Variants in TTF2 observed in about 807,000 individuals in gnomAD.
The protein encoded by TTF2 is RNA polymerase II termination factor.
In TTF2, 108 loss-of-function variants were observed where a neutral mutation model predicts 142.4. The observed-to-expected ratio is 0.76, with a 90% confidence interval of 0.65 to 0.89. The LOEUF is 0.89. Ranked by LOEUF, TTF2 falls within the 40% of genes least tolerant of loss-of-function variation. The probability of loss-of-function intolerance (pLI) is 0.00; values close to 1 mark genes in which losing one functional copy is unlikely to be tolerated. For missense variants in TTF2, 1,327 were observed against 1,379.8 expected, an observed-to-expected ratio of 0.96 and a Z score of 0.61; for synonymous variants, 483 against 506.2, an observed-to-expected ratio of 0.95 and a Z score of 0.61.
At position 117,101,510 on chromosome 1, in the gene TTF2, C is replaced by T; in HGVS notation, c.3475C>T (p.Leu1159Phe). ...GCTCACCTTGGCTGACCTCAGAGTCCTTTTTGGCATCTAACCTCCTGTGGA... is the reference window on the plus strand; with the variant it reads ...GCTCACCTTGGCTGACCTCAGAGTCTTTTTTGGCATCTAACCTCCTGTGGA... ...TKLTLADLRVLFGI is the reference protein window; with the variant it reads ...TKLTLADLRVFFGI The change falls in exon 23 of 23, where the codon CTT becomes TTT. Residue 1159 changes from leucine (L) to phenylalanine (F), a missense_variant. Coordinates refer to ENST00000369466, the MANE Select transcript of TTF2 (RefSeq NM_003594.4). This position sits in a 1 kb window ranked among gnomAD's most constrained non-coding sequence, Gnocchi z 5.9. The T allele has an allele frequency of 6.3e-7, 1 of 1,591,046 alleles. No homozygotes were observed. Among genetic ancestry groups the T allele is most frequent in the Non-Finnish European group, 8.5e-7 (1 of 1,174,188 alleles).
In TTF2 at chr1:117,079,737, G is replaced by T. The variant is rs555862849; in HGVS notation, c.1783+88G>T. 1.1e-5 allele frequency: 14 copies of T among 1,259,468 alleles called. No individual in the cohort carries two copies. The East Asian group carries it at 3.0e-4, about 27-fold the overall frequency. The allele number at this position is 1,259,468 out of a possible 1,614,324, so 78.0% of individuals were successfully genotyped here. ...GTGTTGTTTCATTTATTCCTCTCAA[G>T]AACTCTATGAGGCAGGTACTATTAT... On this transcript the variant is annotated intron_variant, in intron 9 of 22. Transcript: ENST00000369466. This position sits in a 1 kb window ranked among gnomAD's most constrained non-coding sequence, Gnocchi z 4.2.
In TTF2 at chr1:117,073,710, G is replaced by A. The variant is rs760506553; in HGVS notation, c.268G>A (p.Gly90Arg). 2 of 1,612,122 alleles carry A rather than the reference G, an allele frequency of 1.2e-6. No homozygotes were observed. The highest frequency in any genetic ancestry group is 2.2e-5 in the East Asian group (1 of 44,836). Residue 90 changes from glycine (G) to arginine (R), a missense_variant, in exon 4 of 23, where the codon GGA becomes AGA. By Grantham distance (125) the Gly-to-Arg change is moderately radical (BLOSUM62 -2). Transcript: ENST00000369466. The surrounding 1 kb of genome is among the most constrained non-coding windows in gnomAD (Gnocchi z 4.4). ...RSKAEGKRWCGSIPWQDPDSK... is the reference protein window; with the variant it reads ...RSKAEGKRWCRSIPWQDPDSK... ...TAAGGCAGAGGGGAAACGCTGGTGT[G>A]GAAGTATTCCATGGCAGGTAGGAAT...
At position 117,092,714 on chromosome 1, in the gene TTF2, C is replaced by T. The variant is rs2101152259; in HGVS notation, c.2806-17C>T. On this transcript the variant is annotated splice_polypyrimidine_tract_variant and intron_variant, in intron 17 of 22. Coordinates refer to ENST00000369466, the MANE Select transcript of TTF2 (RefSeq NM_003594.4). The surrounding 1 kb of genome is among the most constrained non-coding windows in gnomAD (Gnocchi z 4.4). Reference sequence around the variant, plus strand: ...CCCTTGACTCCCAGCTGCTCCTGTCCTTTTTTGTCTGTTCAGGCCCTGGAT... The same window carrying T: ...CCCTTGACTCCCAGCTGCTCCTGTCTTTTTTTGTCTGTTCAGGCCCTGGAT... The T allele has an allele frequency of 1.2e-6, 2 of 1,605,648 alleles. No homozygotes were observed. Among genetic ancestry groups the T allele is most frequent in the East Asian group, 4.5e-5 (2 of 44,746 alleles).
chr1:117,086,627 G>A lies in TTF2; in HGVS notation c.2160+105G>A, dbSNP rs1648041916. 2 of 756,654 alleles carry A rather than the reference G, an allele frequency of 2.6e-6. No individual in the cohort carries two copies. Among genetic ancestry groups the A allele is most frequent in the Non-Finnish European group, 4.6e-6 (2 of 437,402 alleles). 46.9% of individuals were successfully genotyped at this position (756,654 alleles called of 1,614,324 possible). A position where few individuals can be genotyped will look rare whatever the true frequency, so the allele number is the denominator to read the frequency against. On this transcript the variant is annotated intron_variant, in intron 12 of 22. Transcript: ENST00000369466. The surrounding 1 kb of genome is among the most constrained non-coding windows in gnomAD (Gnocchi z 4.2). Reference sequence around the variant, plus strand: ...GCAAGAGGACCTCCCTGGAGGTCAGGAATGCTGTAAATGATCCGCATGTGG... The same window carrying A: ...GCAAGAGGACCTCCCTGGAGGTCAGAAATGCTGTAAATGATCCGCATGTGG...
chr1:117,060,486 C>T lies in TTF2; in HGVS notation c.60C>T (p.Arg20=), dbSNP rs957014726. The T allele has an allele frequency of 6.2e-7, 1 of 1,613,944 alleles. No homozygotes were observed. Among genetic ancestry groups the T allele is most frequent in the Non-Finnish European group, 8.5e-7 (1 of 1,179,856 alleles). Reference sequence around the variant, plus strand: ...TCTGCTTTCTTAAGACCGGCGTCCGCGATGGCCCGAATAAAGGAAAGAGCT... The same window carrying T: ...TCTGCTTTCTTAAGACCGGCGTCCGTGATGGCCCGAATAAAGGAAAGAGCT... ...GTFCFLKTGV[R]DGPNKGKSFY... is the part of the protein sequence containing the mutation. Residue 20 remains arginine, a synonymous_variant, in exon 2 of 23, where the codon CGC becomes CGT. Transcript: ENST00000369466.
Position 117,101,268 on chromosome 1 carries a change from TAAAG to T in TTF2, c.3345-111_3345-108del. 2 of 1,207,222 alleles carry T rather than the reference TAAAG, an allele frequency of 1.7e-6. No individual in the cohort carries two copies. Among genetic ancestry groups the T allele is most frequent in the Non-Finnish European group, 2.3e-6 (2 of 888,558 alleles). The allele number at this position is 1,207,222 out of a possible 1,614,324, so 74.8% of individuals were successfully genotyped here. A position where few individuals can be genotyped will look rare whatever the true frequency, so the allele number is the denominator to read the frequency against. On this transcript the variant is annotated intron_variant, in intron 22 of 22. Coordinates refer to ENST00000369466, the MANE Select transcript of TTF2 (RefSeq NM_003594.4). The surrounding 1 kb of genome is among the most constrained non-coding windows in gnomAD (Gnocchi z 5.9). The stretch of plus-strand genomic sequence containing the variant: ...GTTCTTAACTGGACCTAAGAAGACT[TAAAG>T]GAAGAAATCTCATTAAAAATGAAAG...
chr1:117,091,891 A>C lies in TTF2; in HGVS notation c.2746A>C (p.Ile916Leu), dbSNP rs769934298. 9.3e-6 allele frequency: 15 copies of C among 1,613,542 alleles called. No individual in the cohort carries two copies. The highest frequency in any genetic ancestry group is 1.1e-5 in the South Asian group (1 of 91,058). The change falls in exon 17 of 23, where the codon ATA becomes CTA. Residue 916 changes from isoleucine to leucine, a missense_variant. Ile to Leu is a conservative substitution (Grantham distance 5). Coordinates refer to ENST00000369466, the MANE Select transcript of TTF2 (RefSeq NM_003594.4). ...CTCACCGAGATCCAGCACCGTCCAC[A>C]TACTGTCCCAGTTGCTGAGACTCCG... ...ADSPRSSTVHILSQLLRLRQC... is the reference protein window; with the variant it reads ...ADSPRSSTVHLLSQLLRLRQC...
Position 117,076,863 on chromosome 1 carries a change from C to A in TTF2, c.1573+40C>A. The A allele has an allele frequency of 6.4e-7, 1 of 1,562,892 alleles. No homozygotes were observed. The highest frequency in any genetic ancestry group is 8.7e-7 in the Non-Finnish European group (1 of 1,152,214). Reference sequence around the variant, plus strand: ...CCTGACCCTGCTGTGAATAGCCACCCCTGTGAGTTACGTGCCACCCGGTAC... The same window carrying A: ...CCTGACCCTGCTGTGAATAGCCACCACTGTGAGTTACGTGCCACCCGGTAC... On this transcript the variant is annotated intron_variant, in intron 7 of 22. Coordinates refer to ENST00000369466, the MANE Select transcript of TTF2 (RefSeq NM_003594.4). This position sits in a 1 kb window ranked among gnomAD's most constrained non-coding sequence, Gnocchi z 4.6.
In TTF2 at chr1:117,076,207, G is replaced by T; in HGVS notation, c.1303G>T (p.Ala435Ser). The T allele has an allele frequency of 6.2e-7, 1 of 1,613,938 alleles. No individual in the cohort carries two copies. Among genetic ancestry groups the T allele is most frequent in the East Asian group, 2.2e-5 (1 of 44,882 alleles). ...CACACTGGCATCAGTGAACATCCAG[G>T]CTCTTCCAGACAAGGGTCAGAAGTT... The part of the protein sequence containing the change: ...KSTLASVNIQ[A>S]LPDKGQKLIK... The change falls in exon 6 of 23, where the codon GCT (alanine) becomes TCT (serine). Residue 435 changes from alanine (A) to serine (S), a missense_variant. Ala to Ser is a moderately conservative substitution (Grantham distance 99). Transcript: ENST00000369466. This position sits in a 1 kb window ranked among gnomAD's most constrained non-coding sequence, Gnocchi z 4.6.
chr1:117,060,404 G>T lies in TTF2; in HGVS notation c.28+30G>T, dbSNP rs145684337. On this transcript the variant is annotated intron_variant, in intron 1 of 22. Transcript: ENST00000369466. ...GGGGCTAGGGTCTCAGCGTCCCGGG[G>T]CCTGTTGATTTAGCGTGGCGTAATC... is the stretch of plus-strand genomic sequence containing the variant. 9.8e-4 allele frequency: 1,573 copies of T among 1,608,518 alleles called. 17 individuals carry two copies. In the African/African-American group the frequency reaches 0.018, roughly 19 times the overall value.
chr1:117,084,293 T>C, intron 11 of TTF2, 125 bp downstream of exon 11: 2 of 1,221,362 alleles, frequency 1.6e-6, no homozygotes, highest in East Asian at 2.5e-5. Flanking sequence ...CAAAGACAGA[T>C]CTTTAGTCTC....
intron 20 of TTF2, 117 bp downstream of exon 20, chr1:117,096,416 T>TGGAGTCCA: frequency 7.4e-7 from 1 of 1,347,674 alleles, no homozygotes; most frequent in Non-Finnish European, 1.0e-6. Flanking sequence ...TTGCTCTTGT[T>TGGAGTCCA]GCCCAGGCTG....
In TTF2 at chr1:117,080,674, A is replaced by G. The variant is rs1570832680; in HGVS notation, c.1783+1025A>G. ...GTCAGTGGTCCTCAAAACCACCCCCAGGTTCGATGATTTGCTAGTAAGACA... is the reference window on the plus strand; with the variant it reads ...GTCAGTGGTCCTCAAAACCACCCCCGGGTTCGATGATTTGCTAGTAAGACA... On this transcript the variant is annotated intron_variant, in intron 9 of 22. Transcript: ENST00000369466. The surrounding 1 kb of genome is among the most constrained non-coding windows in gnomAD (Gnocchi z 4.3). Among the ~76,000 whole-genome samples the G allele has an allele frequency of 6.6e-6, 1 of 152,180 alleles. No homozygotes were observed. Among genetic ancestry groups the G allele is most frequent in the Non-Finnish European group, 1.5e-5 (1 of 68,026 alleles).
intron 7 of TTF2, among the ~76,000 whole-genome samples, chr1:117,077,165 A>T (rs1467949136): frequency 1.3e-5 from 2 of 152,028 alleles, no homozygotes; most frequent in South Asian, 2.1e-4. Context: ...TCCAGTTTCA[A>T]GCATCCACTG....
chr1:117,091,439 A>T, intron 16 of TTF2, 29 bp downstream of exon 16: 2 of 1,573,290 alleles, frequency 1.3e-6, no homozygotes, highest in Non-Finnish European at 1.7e-6. Flanking sequence ...ATAAATACAT[A>T]TGACTGGTGA....
Position 117,105,770 on chromosome 1 carries a change from A to C in TTF2, c.*4246A>C, listed in dbSNP as rs1023906414. 7.2e-5 allele frequency: 11 copies of C among 152,150 alleles called. No individual in the cohort carries two copies. The highest frequency in any genetic ancestry group is 1.6e-4 in the Non-Finnish European group (11 of 68,040). The allele number at this position is 152,150 out of a possible 1,614,324, so 9.4% of individuals were successfully genotyped here. The stretch of plus-strand genomic sequence containing the variant: ...GTTTTTGGAACAATTGCTAATGAAA[A>C]GAAGGAAAAACAGAAAAAAAAAATT... On this transcript the variant is annotated 3_prime_UTR_variant, in exon 23 of 23. Transcript: ENST00000369466. The surrounding 1 kb of genome is among the most constrained non-coding windows in gnomAD (Gnocchi z 4.7).
At chr1:117,078,190 T>C (rs1425901682) in intron 8 of TTF2, 147 bp downstream of exon 8, 2 of 1,035,814 alleles carry the variant, frequency 1.9e-6, no homozygotes, top group Non-Finnish European at 2.7e-6. Context: ...CCTTTTATGC[T>C]TAACAGTGCA....
Position 117,101,501 on chromosome 1 carries a change from C to G in TTF2, c.3466C>G (p.Leu1156Val), listed in dbSNP as rs1341614008. ...ESVTKLTLAD[L>V]RVLFGI is the part of the protein sequence containing the mutation. ...TGTCACCAAGCTCACCTTGGCTGAC[C>G]TCAGAGTCCTTTTTGGCATCTAACC... The change falls in exon 23 of 23, where the codon CTC becomes GTC. Residue 1156 changes from leucine (L) to valine (V), a missense_variant. By Grantham distance (32) the Leu-to-Val change is conservative (BLOSUM62 1). Transcript: ENST00000369466. The surrounding 1 kb of genome is among the most constrained non-coding windows in gnomAD (Gnocchi z 5.9). The G allele has an allele frequency of 6.3e-7, 1 of 1,595,224 alleles. No individual in the cohort carries two copies. Among genetic ancestry groups the G allele is most frequent in the Non-Finnish European group, 8.5e-7 (1 of 1,175,368 alleles).
Position 117,079,075 on chromosome 1 carries a change from A to G in TTF2, c.1702-493A>G, listed in dbSNP as rs180810471. Among the ~76,000 whole-genome samples the G allele has an allele frequency of 4.8e-4, 73 of 152,072 alleles. No individual in the cohort carries two copies. The highest frequency in any genetic ancestry group is 8.1e-4 in the Non-Finnish European group (55 of 68,018). On this transcript the variant is annotated intron_variant, in intron 8 of 22. Coordinates refer to ENST00000369466, the MANE Select transcript of TTF2 (RefSeq NM_003594.4). The surrounding 1 kb of genome is among the most constrained non-coding windows in gnomAD (Gnocchi z 4.2). ...GCCAACATGGTGAAACCCCATCTCT[A>G]CTAAAAATAAGAAAATTAGCTGGGC...
Sources: allele counts gnomAD v4.1 joint callset (sites outside exome capture counted in the v4.1 genomes callset), GRCh38; gene constraint gnomAD v4.1.1; non-coding constraint Gnocchi (gnomAD v3.1); transcripts MANE v1.5; gene names NCBI Gene and HGNC (gene_info 2026-07-23, HGNC 2026-07-21).